SAMD5: variants seen among roughly 807,000 people sequenced by gnomAD.
SAMD5 encodes the protein sterile alpha motif domain containing 5.
A neutral mutation model predicts 11.3 loss-of-function variants in SAMD5; 13 were observed. The observed-to-expected ratio is 1.15, with a 90% CI of 0.75 to 1.83. The LOEUF (loss-of-function observed/expected upper bound fraction) is 1.83. SAMD5 is among the 40% of genes most tolerant of loss of function. The pLI is 0.00. For missense variants in SAMD5, 255 were observed against 239.1 expected, an observed-to-expected ratio of 1.07 and a Z score of -0.44; for synonymous variants, 129 against 111.3, an observed-to-expected ratio of 1.16 and a Z score of -1.00.
chr6:147,711,346 G>A lies in SAMD5; in HGVS notation c.163-25971G>A, dbSNP rs1038012268. 3.3e-5 allele frequency among the ~76,000 whole-genome samples: 5 copies of A among 152,120 alleles called. No individual in the cohort carries two copies. The highest frequency in any genetic ancestry group is 1.2e-4 in the African/African-American group (5 of 41,422). On this transcript the variant is annotated intron_variant, in intron 1 of 1. Coordinates refer to the SAMD5 transcript ENST00000566741. The surrounding 1 kb of genome is among the most constrained non-coding windows in gnomAD (Gnocchi z 4.1). ...GCCTGATCCCCCAACCTGACCCTGT[G>A]CTCCCTGTCCCATTTCTAGCCATAT...
At chr6:147,612,338 C>A (rs1662823274) in intron 1 of SAMD5, among the ~76,000 whole-genome samples, 2 of 152,168 alleles carry the variant, frequency 1.3e-5, no homozygotes, top group Non-Finnish European at 1.5e-5. Context: ...TTTATACTAA[C>A]CTAATGGCCT....
the SAMD5 span, among the ~76,000 whole-genome samples, chr6:147,857,960 C>A: frequency 6.6e-6 from 1 of 152,040 alleles, no homozygotes; most frequent in Non-Finnish European, 1.5e-5. Context: ...TGTCCCCAGT[C>A]TGATTGTTGC....
At chr6:147,622,425 C>T (rs574848585) in intron 1 of SAMD5, among the ~76,000 whole-genome samples, 5 of 152,296 alleles carry the variant, frequency 3.3e-5, no homozygotes, top group African/African-American at 7.2e-5. Flanking sequence ...GTGAAACCCA[C>T]GGATATGGAG....
At position 147,686,085 on chromosome 6, in the gene SAMD5, C is replaced by T. The variant is rs535168414; in HGVS notation, c.163-51232C>T. Among the ~76,000 whole-genome samples, 15 of 152,246 alleles carry T rather than the reference C, an allele frequency of 9.9e-5. No homozygotes were observed. In the East Asian group the frequency reaches 1.7e-3, roughly 18 times the overall value. ...GGACTACCTGTATTTATTGACCGTA[C>T]GGATGTACTCTTTTGTAAAGTATCT... On this transcript the variant is annotated intron_variant, in intron 1 of 1. Transcript: ENST00000566741.
chr6:147,595,835 C>CT (rs573661055), intron 1 of SAMD5, among the ~76,000 whole-genome samples: 3 of 151,850 alleles, frequency 2.0e-5, no homozygotes, highest in Non-Finnish European at 4.4e-5. Context: ...TAAACTACTA[C>CT]TTTTTTAATT....
intron 1 of SAMD5, among the ~76,000 whole-genome samples, chr6:147,629,989 G>A (rs1583114058): frequency 8.9e-6 from 1 of 112,398 alleles, no homozygotes; most frequent in Non-Finnish European, 1.8e-5. Flanking sequence ...CGCTTTTGTT[G>A]CCCAGGCTGT....
At chr6:147,760,530 C>T in the SAMD5 span, among the ~76,000 whole-genome samples, 1,755 of 152,112 alleles carry the variant, frequency 0.012, 33 homozygotes, top group African/African-American at 0.041. Context: ...ATTTTAAGCA[C>T]TTCATAAGTT....
chr6:147,845,894 GAA>G, the SAMD5 span, among the ~76,000 whole-genome samples: 1 of 152,120 alleles, frequency 6.6e-6, no homozygotes, highest in Non-Finnish European at 1.5e-5. Flanking sequence ...GGAGAAATGA[GAA>G]ACTATGTTCA....
At chr6:147,644,865 G>A (rs201474888) in intron 1 of SAMD5, among the ~76,000 whole-genome samples, 1 of 152,154 alleles carries the variant, frequency 6.6e-6, no homozygotes, top group East Asian at 1.9e-4. Flanking sequence ...CCTTGGATTA[G>A]CCCAGGGTCA....
At chr6:147,634,130 G>A (rs1158000023) in intron 1 of SAMD5, among the ~76,000 whole-genome samples, 8 of 152,104 alleles carry the variant, frequency 5.3e-5, no homozygotes, top group Non-Finnish European at 1.0e-4. Flanking sequence ...ATATGTTTAA[G>A]GTCTGTGTTA....
At chr6:147,812,658 T>G in the SAMD5 span, among the ~76,000 whole-genome samples, 1 of 152,280 alleles carries the variant, frequency 6.6e-6, no homozygotes, top group Non-Finnish European at 1.5e-5. Flanking sequence ...TGCAGCTCGC[T>G]TCTCTGGAAC....
intron 1 of SAMD5, among the ~76,000 whole-genome samples, chr6:147,539,028 T>C (rs1376541397): frequency 2.0e-5 from 3 of 152,158 alleles, no homozygotes; most frequent in Non-Finnish European, 1.5e-5. Context: ...TGTAATTGGA[T>C]TACTGGCTTA....
the SAMD5 span, among the ~76,000 whole-genome samples, chr6:147,844,724 G>A: frequency 6.6e-6 from 1 of 151,426 alleles, no homozygotes; most frequent in African/African-American, 2.4e-5. Context: ...GAGCCTAGAT[G>A]ATATTATGTT....
chr6:147,839,006 CA>C, the SAMD5 span, among the ~76,000 whole-genome samples: 1 of 152,242 alleles, frequency 6.6e-6, no homozygotes, highest in African/African-American at 2.4e-5. Flanking sequence ...CATTTCTATA[CA>C]GGTAGAACAA....
chr6:147,744,951 C>T, the SAMD5 span, among the ~76,000 whole-genome samples: 27 of 124,130 alleles, frequency 2.2e-4, no homozygotes, highest in South Asian at 1.2e-3. Flanking sequence ...CAGCAATCAC[C>T]GGGTGTGAGG....
chr6:147,918,996 G>A, the SAMD5 span, among the ~76,000 whole-genome samples: 1 of 152,116 alleles, frequency 6.6e-6, no homozygotes, highest in Admixed American at 6.5e-5. Context: ...TGAGTCACAA[G>A]AATTGCATTT....
chr6:147,633,293 A>C (rs1790178588), intron 1 of SAMD5, among the ~76,000 whole-genome samples: 1 of 152,174 alleles, frequency 6.6e-6, no homozygotes, highest in African/African-American at 2.4e-5. Context: ...GTGCTTTGAA[A>C]AGATGAAAAA....
At chr6:147,654,191 A>G (rs1790533086) in intron 1 of SAMD5, among the ~76,000 whole-genome samples, 1 of 152,212 alleles carries the variant, frequency 6.6e-6, no homozygotes, top group Admixed American at 6.5e-5. Context: ...AAAAGCCATA[A>G]AAGGAACAAT....
chr6:147,697,969 G>T (rs929884048), intron 1 of SAMD5, among the ~76,000 whole-genome samples: 1 of 152,156 alleles, frequency 6.6e-6, no homozygotes, highest in African/African-American at 2.4e-5. Context: ...GAGTCCTGGG[G>T]TGGGAGATGG....
Sources: allele counts gnomAD v4.1 joint callset (sites outside exome capture counted in the v4.1 genomes callset), GRCh38; gene constraint gnomAD v4.1.1; non-coding constraint Gnocchi (gnomAD v3.1); transcripts MANE v1.5; gene names NCBI Gene and HGNC (gene_info 2026-07-23, HGNC 2026-07-21).